Variants in TMEM65 observed in about 807,000 individuals in gnomAD.
TMEM65 encodes transmembrane protein 65.
Under a neutral mutation model 25.4 loss-of-function variants are expected in TMEM65, and 22 were observed. The observed-to-expected ratio is 0.86, with a 90% CI of 0.62 to 1.23. The LOEUF is 1.23. Ranked by LOEUF, TMEM65 falls within the 50% of genes most tolerant of loss-of-function variation. TMEM65 has a pLI of 0.00. For synonymous variants in TMEM65, 132 were observed against 126.2 expected (o/e 1.05, Z -0.31); for missense variants, 262 against 308.2 (o/e 0.85, Z 1.12).
Position 124,307,185 on chromosome 8 carries a change from G to A in TMEM65, c.*6775C>T, listed in dbSNP as rs1814101023. 6.6e-6 allele frequency: 1 copy of A among 152,072 alleles called. No individual in the cohort carries two copies. Among genetic ancestry groups the A allele is most frequent in the Non-Finnish European group, 1.5e-5 (1 of 68,012 alleles). 9.4% of individuals were successfully genotyped at this position (152,072 alleles called of 1,614,324 possible). A position where few individuals can be genotyped will look rare whatever the true frequency, so the allele number is the denominator to read the frequency against. On this transcript the variant is annotated 3_prime_UTR_variant, in exon 7 of 7. Transcript: ENST00000297632. ...ATGTGATGTTTATCATCTCCACATG[G>A]GCAGTTCATCTCTCCAGTAAATTGT...
intron 1 of TMEM65, among the ~76,000 whole-genome samples, chr8:124,346,328 G>A (rs913199543): frequency 2.0e-5 from 3 of 152,088 alleles, no homozygotes; most frequent in African/African-American, 7.2e-5. Context: ...AGATTTGAGT[G>A]GGGACACAGA....
chr8:124,359,304 G>C (rs1477448677), intron 1 of TMEM65, among the ~76,000 whole-genome samples: 2 of 152,080 alleles, frequency 1.3e-5, no homozygotes, highest in African/African-American at 4.8e-5. Flanking sequence ...TAAATATTAA[G>C]CCCTGGAAGC....
At chr8:124,363,848 A>C (rs1814904579) in intron 1 of TMEM65, among the ~76,000 whole-genome samples, 1 of 149,082 alleles carries the variant, frequency 6.7e-6, no homozygotes, top group East Asian at 2.0e-4. Context: ...AAAAAAAAAA[A>C]AAAAAAAAAA....
chr8:124,345,005 G>T (rs1041027814), intron 1 of TMEM65, among the ~76,000 whole-genome samples: 1 of 152,150 alleles, frequency 6.6e-6, no homozygotes, highest in African/African-American at 2.4e-5. Flanking sequence ...TCTCAAAATT[G>T]AGAGACTGAT....
intron 6 of TMEM65, among the ~76,000 whole-genome samples, chr8:124,318,939 A>G (rs1366623518): frequency 6.6e-6 from 1 of 152,018 alleles, no homozygotes; most frequent in East Asian, 1.9e-4. Flanking sequence ...TTCCCTTTTT[A>G]TTCTCATAAC....
chr8:124,356,373 A>G (rs1464288230), intron 1 of TMEM65, among the ~76,000 whole-genome samples: 1 of 152,128 alleles, frequency 6.6e-6, no homozygotes, highest in Non-Finnish European at 1.5e-5. Flanking sequence ...TCAGAGGGCA[A>G]AGGAGTTTTC....
chr8:124,344,827 A>G (rs1324793654), intron 1 of TMEM65, among the ~76,000 whole-genome samples: 3 of 152,174 alleles, frequency 2.0e-5, no homozygotes, highest in African/African-American at 7.2e-5. Flanking sequence ...ATAGCCATAC[A>G]ATATATATCA....
chr8:124,351,076 G>A lies in TMEM65; in HGVS notation c.305-20284C>T, dbSNP rs560497202. 312 of 985,058 alleles carry A rather than the reference G, an allele frequency of 3.2e-4. 2 individuals carry two copies. Among genetic ancestry groups the A allele is most frequent in the Non-Finnish European group, 2.0e-4 (170 of 829,794 alleles). The allele number at this position is 985,058 out of a possible 1,614,324, so 61.0% of individuals were successfully genotyped here. A position where few individuals can be genotyped will look rare whatever the true frequency, so the allele number is the denominator to read the frequency against. Reference sequence around the variant, plus strand: ...GGTCTCTGCTGAGGATACTTCCTTCGCAAGCTTCACAATGGCAATCTCAGG... The same window carrying A: ...GGTCTCTGCTGAGGATACTTCCTTCACAAGCTTCACAATGGCAATCTCAGG... On this transcript the variant is annotated intron_variant, in intron 1 of 6. Coordinates refer to ENST00000297632, the MANE Select transcript of TMEM65 (RefSeq NM_194291.3).
In TMEM65 at chr8:124,372,131, C is replaced by T. The variant is rs1222625349; in HGVS notation, c.27G>A (p.Arg9=). 3 of 1,225,138 alleles carry T rather than the reference C, an allele frequency of 2.4e-6. No individual in the cohort carries two copies. The highest frequency in any genetic ancestry group is 3.1e-6 in the Non-Finnish European group (3 of 977,312). The allele number at this position is 1,225,138 out of a possible 1,614,324, so 75.9% of individuals were successfully genotyped here. A position where few individuals can be genotyped will look rare whatever the true frequency, so the allele number is the denominator to read the frequency against. Reference sequence around the variant, plus strand: ...GCCTCAGGCTGCGCGCGGTCCGGCTCCTCAGCAGCGGCAGCAGCCGGGACA... The same window carrying T: ...GCCTCAGGCTGCGCGCGGTCCGGCTTCTCAGCAGCGGCAGCAGCCGGGACA... The part of the protein sequence containing the change: MSRLLPLL[R]SRTARSLRPG... Residue 9 remains arginine (R), a synonymous_variant, in exon 1 of 7, where the codon AGG becomes AGA. Coordinates refer to ENST00000297632, the MANE Select transcript of TMEM65 (RefSeq NM_194291.3).
Position 124,372,234 on chromosome 8 carries a change from G to A in TMEM65, c.-77C>T, listed in dbSNP as rs1402506151. 1.7e-6 allele frequency: 2 copies of A among 1,195,956 alleles called. No individual in the cohort carries two copies. Among genetic ancestry groups the A allele is most frequent in the Non-Finnish European group, 2.1e-6 (2 of 956,958 alleles). The allele number at this position is 1,195,956 out of a possible 1,614,324, so 74.1% of individuals were successfully genotyped here. On this transcript the variant is annotated 5_prime_UTR_variant, in exon 1 of 7. Transcript: ENST00000297632. ...GCGCGGCTGAGGCGAGAAGGAGCTG[G>A]GCTCAGCTCGACCCCGCCCCGAGGT...
intron 3 of TMEM65, among the ~76,000 whole-genome samples, chr8:124,326,169 A>C (rs559590286): frequency 3.4e-4 from 51 of 152,210 alleles, no homozygotes; most frequent in African/African-American, 1.1e-3. Flanking sequence ...GATTTTCTCA[A>C]ACAAGTTTAA....
chr8:124,361,222 T>C (rs1814854921), intron 1 of TMEM65, among the ~76,000 whole-genome samples: 1 of 150,424 alleles, frequency 6.6e-6, no homozygotes, highest in Non-Finnish European at 1.5e-5. Context: ...TCACTCAAGG[T>C]CAGGAGTTCA....
chr8:124,372,246 C>G lies in TMEM65; in HGVS notation c.-89G>C. Reference sequence around the variant, plus strand: ...CGAGAAGGAGCTGGGCTCAGCTCGACCCCGCCCCGAGGTCCTCCTGCCAGG... The same window carrying G: ...CGAGAAGGAGCTGGGCTCAGCTCGAGCCCGCCCCGAGGTCCTCCTGCCAGG... On this transcript the variant is annotated 5_prime_UTR_variant, in exon 1 of 7. Coordinates refer to ENST00000297632, the MANE Select transcript of TMEM65 (RefSeq NM_194291.3). 1 of 1,153,946 alleles carries G rather than the reference C, an allele frequency of 8.7e-7. No homozygotes were observed. The highest frequency in any genetic ancestry group is 1.1e-6 in the Non-Finnish European group (1 of 929,186). The allele number at this position is 1,153,946 out of a possible 1,614,324, so 71.5% of individuals were successfully genotyped here. A position where few individuals can be genotyped will look rare whatever the true frequency, so the allele number is the denominator to read the frequency against.
At chr8:124,314,110 C>G in intron 6 of TMEM65, 49 bp from the exon 7 acceptor site, 2 of 1,481,222 alleles carry the variant, frequency 1.4e-6, no homozygotes, top group South Asian at 1.2e-5. Flanking sequence ...TCTCTGATAA[C>G]AAGAAGGCAG....
chr8:124,340,364 A>T (rs2131212302), intron 1 of TMEM65, among the ~76,000 whole-genome samples: 1 of 152,300 alleles, frequency 6.6e-6, no homozygotes, highest in East Asian at 1.9e-4. Flanking sequence ...TAAGAATGCT[A>T]TCTATTTGAC....
At chr8:124,357,053 G>T (rs1196071326) in intron 1 of TMEM65, among the ~76,000 whole-genome samples, 1 of 55,254 alleles carries the variant, frequency 1.8e-5, no homozygotes, top group Non-Finnish European at 3.2e-5. Flanking sequence ...TAGCTTCTAG[G>T]ATATCTTTTT....
intron 1 of TMEM65, among the ~76,000 whole-genome samples, chr8:124,350,650 T>G (rs1271635907): frequency 6.6e-6 from 1 of 152,046 alleles, no homozygotes; most frequent in Non-Finnish European, 1.5e-5. Flanking sequence ...TACTGAACAT[T>G]TCCTGAAGTT....
intron 1 of TMEM65, among the ~76,000 whole-genome samples, chr8:124,335,281 G>A (rs1215065442): frequency 1.3e-5 from 2 of 152,082 alleles, no homozygotes; most frequent in African/African-American, 2.4e-5. Flanking sequence ...TAAGAATGAA[G>A]GCAAAATGTA....
chr8:124,326,654 A>G (rs1814369193), intron 3 of TMEM65, among the ~76,000 whole-genome samples: 1 of 152,074 alleles, frequency 6.6e-6, no homozygotes, highest in Non-Finnish European at 1.5e-5. Flanking sequence ...TTGAAAACAG[A>G]GCACTGGGCA....
Sources: gnomAD v4.1 joint callset for allele counts (sites outside exome capture counted in the v4.1 genomes callset) on GRCh38, gnomAD v4.1.1 for gene constraint, MANE v1.5 for transcripts, NCBI Gene and HGNC (gene_info 2026-07-23, HGNC 2026-07-21) for gene names.